The following ZNF107 variants were observed in gnomAD, a reference collection of about 807,000 sequenced individuals.
ZNF107 encodes the protein C2H2 type zinc-finger protein.
ZNF107 carries 19 observed loss-of-function variants against 12.3 expected under a neutral mutation model. The observed-to-expected ratio is 1.55, with a 90% CI of 1.08 to 2.27. ZNF107 has a LOEUF of 2.27. Ranked by LOEUF, ZNF107 falls within the 30% of genes most tolerant of loss-of-function variation. The pLI, the probability that ZNF107 is intolerant of heterozygous loss-of-function variation, is 0.00. For synonymous variants in ZNF107, 317 were observed against 330.5 expected (o/e 0.96, Z 0.44); for missense variants, 958 against 979.9 (o/e 0.98, Z 0.30).
chr7:64,706,479 G>A lies in ZNF107; in HGVS notation c.382G>A (p.Gly128Arg). Residue 128 changes from glycine (G) to arginine (R), a missense_variant, in exon 4 of 4, where the codon GGA becomes AGA. Transcript: ENST00000620827. ...KHVDECTGHK[G>R]GHNTVNQCLT... The stretch of plus-strand genomic sequence containing the variant: ...TGTGGATGAGTGTACGGGGCACAAA[G>A]GAGGTCATAATACAGTTAACCAATG... 6.2e-7 allele frequency: 1 copy of A among 1,613,456 alleles called. No individual in the cohort carries two copies. The highest frequency in any genetic ancestry group is 8.5e-7 in the Non-Finnish European group (1 of 1,179,552).
Position 64,710,888 on chromosome 7 carries a change from A to G in ZNF107, c.*2232A>G, listed in dbSNP as rs2128970815. The G allele has an allele frequency of 6.6e-6, 1 of 152,318 alleles. No homozygotes were observed. Among genetic ancestry groups the G allele is most frequent in the East Asian group, 1.9e-4 (1 of 5,190 alleles). 9.4% of individuals were successfully genotyped at this position (152,318 alleles called of 1,614,324 possible). On this transcript the variant is annotated 3_prime_UTR_variant, in exon 4 of 4. Coordinates refer to ENST00000620827, the MANE Select transcript of ZNF107 (RefSeq NM_001282359.2). Reference sequence around the variant, plus strand: ...ACTTATAATATTGAGTGATCCATGAAGTAGGTTTTCAGAGCAATATTCTTC... The same window carrying G: ...ACTTATAATATTGAGTGATCCATGAGGTAGGTTTTCAGAGCAATATTCTTC...
intron 2 of ZNF107, 108 bp from the exon 3 acceptor site, chr7:64,691,757 T>C: frequency 2.1e-6 from 1 of 467,884 alleles, no homozygotes; most frequent in Non-Finnish European, 3.0e-6. Context: ...ATATATGTTA[T>C]AAATTAGTAT....
At chr7:64,699,821 C>T (rs926340094) in intron 3 of ZNF107, among the ~76,000 whole-genome samples, 4 of 152,108 alleles carry the variant, frequency 2.6e-5, no homozygotes, top group African/African-American at 9.7e-5. Context: ...GTAATCCCAG[C>T]ACTTTGGGAG....
chr7:64,689,250 G>A (rs1047589118), intron 1 of ZNF107: 4 of 152,030 alleles, frequency 2.6e-5, no homozygotes, highest in Non-Finnish European at 4.4e-5. Context: ...TGTACATAAG[G>A]TCTGGCCTCT....
At chr7:64,692,216 CA>C (rs1790141823) in intron 3 of ZNF107, among the ~76,000 whole-genome samples, 1 of 135,344 alleles carries the variant, frequency 7.4e-6, no homozygotes, top group Admixed American at 7.9e-5. Context: ...CTTTTCATGG[CA>C]TATAAGAGAG....
chr7:64,687,621 G>T, intron 1 of ZNF107: 1 of 961,896 alleles, frequency 1.0e-6, no homozygotes. Flanking sequence ...TTTTGTCATT[G>T]ATTATAACCA....
chr7:64,686,953 T>C, intron 1 of ZNF107: 1 of 985,444 alleles, frequency 1.0e-6, no homozygotes, highest in Non-Finnish European at 1.2e-6. Context: ...CTGCTGAGAA[T>C]ATGCCCCCCG....
At chr7:64,692,004 A>G (rs1035562521) in intron 3 of ZNF107, 44 bp downstream of exon 3, 5 of 1,263,126 alleles carry the variant, frequency 4.0e-6, no homozygotes, top group Non-Finnish European at 5.3e-6. Flanking sequence ...CAAAGATGAA[A>G]GGTCAAAGGT....
chr7:64,703,476 C>A (rs1790540125), intron 3 of ZNF107, among the ~76,000 whole-genome samples: 1 of 152,136 alleles, frequency 6.6e-6, no homozygotes, highest in Non-Finnish European at 1.5e-5. Flanking sequence ...AATTTGAAGG[C>A]TAAAGTGCAG....
At chr7:64,681,512 A>C (rs1324753668) in intron 1 of ZNF107, among the ~76,000 whole-genome samples, 2 of 151,682 alleles carry the variant, frequency 1.3e-5, no homozygotes, top group Non-Finnish European at 2.9e-5. Flanking sequence ...CCTTCTCCCC[A>C]ACCCTTCACC....
Position 64,692,444 on chromosome 7 carries a change from A to G in ZNF107, c.226+484A>G, listed in dbSNP as rs1031133415. The stretch of plus-strand genomic sequence containing the variant: ...GTCTTGAAATATAGTTTGAAATTAT[A>G]AACTATGATGTTCTTCTGCTTTGTT... On this transcript the variant is annotated intron_variant, in intron 3 of 3. Transcript: ENST00000620827. 2.0e-5 allele frequency among the ~76,000 whole-genome samples: 3 copies of G among 152,180 alleles called. No homozygotes were observed. In the East Asian group the frequency reaches 5.8e-4, roughly 29 times the overall value.
intron 3 of ZNF107, among the ~76,000 whole-genome samples, chr7:64,694,410 C>T (rs1790218491): frequency 6.6e-6 from 1 of 152,244 alleles, no homozygotes; most frequent in Non-Finnish European, 1.5e-5. Flanking sequence ...AGGAACACTT[C>T]TCAATCTTTG....
intron 1 of ZNF107, chr7:64,679,330 C>T (rs1789558165): frequency 5.1e-6 from 5 of 985,084 alleles, no homozygotes; most frequent in Non-Finnish European, 6.0e-6. Flanking sequence ...CCTCTGCCTT[C>T]GGATAGGTAA....
intron 1 of ZNF107, chr7:64,669,033 T>G (rs1005090040): frequency 1.2e-4 from 9 of 77,348 alleles, no homozygotes; most frequent in Non-Finnish European, 1.9e-4. Context: ...TTTTTTTTTT[T>G]GAGATGGAGT....
chr7:64,686,834 T>C, intron 1 of ZNF107: 1 of 953,148 alleles, frequency 1.0e-6, no homozygotes, highest in Non-Finnish European at 1.2e-6. Context: ...CTGACTCCCT[T>C]TTCCGATTCA....
chr7:64,687,381 G>A, intron 1 of ZNF107: 5 of 985,406 alleles, frequency 5.1e-6, no homozygotes, highest in Non-Finnish European at 4.8e-6. Flanking sequence ...GAGGCCTGCA[G>A]GCTCTCCTCC....
chr7:64,698,510 C>A (rs761540021), intron 3 of ZNF107, among the ~76,000 whole-genome samples: 2 of 151,970 alleles, frequency 1.3e-5, no homozygotes, highest in Non-Finnish European at 2.9e-5. Flanking sequence ...CCAACCTCTG[C>A]CTCCCAGGTT....
At chr7:64,677,712 C>T (rs913971394) in intron 1 of ZNF107, among the ~76,000 whole-genome samples, 4 of 151,458 alleles carry the variant, frequency 2.6e-5, no homozygotes, top group African/African-American at 7.3e-5. Flanking sequence ...ATTAGATGGG[C>T]GTGGTAGTGG....
Position 64,691,270 on chromosome 7 carries a change from T to C in ZNF107, c.26T>C (p.Val9Ala). The C allele has an allele frequency of 6.5e-7, 1 of 1,540,842 alleles. No individual in the cohort carries two copies. Residue 9 changes from valine to alanine, a missense_variant, in exon 2 of 4, where the codon GTC (valine) becomes GCC (alanine). Transcript: ENST00000620827. MEPLTFKD[V>A]AIEFSLEEWQ... ...CAGGAACCACTGACATTTAAAGATGTCGCCATAGAATTCTCTCTGGAGGAG... is the reference window on the plus strand; with the variant it reads ...CAGGAACCACTGACATTTAAAGATGCCGCCATAGAATTCTCTCTGGAGGAG...
Sources: allele counts gnomAD v4.1 joint callset (sites outside exome capture counted in the v4.1 genomes callset), GRCh38; gene constraint gnomAD v4.1.1; transcripts MANE v1.5; gene names NCBI Gene and HGNC (gene_info 2026-07-23, HGNC 2026-07-21).